The following ZNF69 variants were observed in gnomAD, a reference collection of about 807,000 sequenced individuals.
The protein encoded by ZNF69 is zinc finger protein 69.
A neutral mutation model predicts 50.9 loss-of-function variants in ZNF69; 47 were observed. The observed-to-expected ratio is 0.92, with a 90% CI of 0.73 to 1.18. The LOEUF (loss-of-function observed/expected upper bound fraction) is 1.18, where lower values mean the gene tolerates loss of function less well. ZNF69 is among the 50% of genes most tolerant of loss of function. The pLI is 0.00. For missense variants in ZNF69, 717 were observed against 675.1 expected, an observed-to-expected ratio of 1.06 and a Z score of -0.69; for synonymous variants, 216 against 223.1, an observed-to-expected ratio of 0.97 and a Z score of 0.29.
At chr19:11,977,252 C>T in the ZNF69 span, 1 of 1,604,276 alleles carries the variant, frequency 6.2e-7, no homozygotes, top group Admixed American at 1.7e-5. Flanking sequence ...GGAACATAGA[C>T]AGGAAATACT....
the ZNF69 span, chr19:11,950,181 G>C: frequency 6.2e-7 from 1 of 1,613,824 alleles, no homozygotes; most frequent in Admixed American, 1.7e-5. Context: ...TTTCTTCCTT[G>C]CATATACACG....
At chr19:11,930,762 A>G in the ZNF69 span, among the ~76,000 whole-genome samples, 2 of 148,114 alleles carry the variant, frequency 1.4e-5, no homozygotes, top group Non-Finnish European at 2.9e-5. Flanking sequence ...GCACTTTGGG[A>G]GGCTGAGACT....
chr19:11,912,769 G>C (rs1257908119), intron 4 of ZNF69, among the ~76,000 whole-genome samples: 2 of 152,186 alleles, frequency 1.3e-5, no homozygotes, highest in African/African-American at 4.8e-5. Flanking sequence ...TCACACTGGA[G>C]AGAAACCCTA....
downstream of ZNF69, among the ~76,000 whole-genome samples, chr19:11,917,150 T>A (rs1972529442): frequency 6.6e-6 from 1 of 152,198 alleles, no homozygotes; most frequent in African/African-American, 2.4e-5. Flanking sequence ...AGCCAGGAAC[T>A]CATGGAGTCT....
At chr19:11,940,910 C>T in the ZNF69 span, among the ~76,000 whole-genome samples, 1 of 151,532 alleles carries the variant, frequency 6.6e-6, no homozygotes, top group Non-Finnish European at 1.5e-5. Context: ...TACAGAGTGT[C>T]GATTGGTGCA....
the ZNF69 span, chr19:11,977,241 T>C: frequency 6.2e-7 from 1 of 1,606,388 alleles, no homozygotes; most frequent in Non-Finnish European, 8.5e-7. Context: ...TTGAGTCATT[T>C]GGAACATAGA....
the ZNF69 span, chr19:11,947,721 C>T: frequency 0.46 from 381,019 of 833,652 alleles, 92,953 homozygotes; most frequent in East Asian, 0.6. Flanking sequence ...TATATTTAAA[C>T]GTGACTGAGG....
chr19:11,893,924 T>C (rs1186351425), intron 1 of ZNF69, among the ~76,000 whole-genome samples: 1 of 152,206 alleles, frequency 6.6e-6, no homozygotes, highest in Non-Finnish European at 1.5e-5. Context: ...TCCTGTCCTC[T>C]GGATTGTCTC....
chr19:11,978,623 T>C, the ZNF69 span: 1 of 1,614,124 alleles, frequency 6.2e-7, no homozygotes, highest in Non-Finnish European at 8.5e-7. Flanking sequence ...GTAAACAATG[T>C]GTTAAATCCT....
chr19:11,939,905 A>C, the ZNF69 span: 2 of 152,026 alleles, frequency 1.3e-5, no homozygotes, highest in Non-Finnish European at 2.9e-5. Flanking sequence ...GCTTATTGCA[A>C]TTATCCTGAG....
chr19:11,898,380 C>T (rs949252521), intron 1 of ZNF69, among the ~76,000 whole-genome samples: 1 of 143,992 alleles, frequency 6.9e-6, no homozygotes, highest in Non-Finnish European at 1.5e-5. Flanking sequence ...CATAGTTCCT[C>T]CTGGCTTTTT....
chr19:11,903,523 C>G (rs1307698554), intron 1 of ZNF69, 50 bp from the exon 2 acceptor site: 1 of 1,609,310 alleles, frequency 6.2e-7, no homozygotes, highest in Non-Finnish European at 8.5e-7. Context: ...TCTAGGCCCC[C>G]AGTGCTGTCA....
chr19:11,928,150 C>T, the ZNF69 span, among the ~76,000 whole-genome samples: 1 of 152,050 alleles, frequency 6.6e-6, no homozygotes, highest in Admixed American at 6.6e-5. Context: ...GCACACCTGG[C>T]TAATTTTTTA....
the ZNF69 span, among the ~76,000 whole-genome samples, chr19:11,936,871 G>A: frequency 6.6e-6 from 1 of 152,174 alleles, no homozygotes; most frequent in African/African-American, 2.4e-5. Context: ...TGTGTAAGGT[G>A]TAAGGAAGGG....
At chr19:11,911,661 A>G (rs554734917), downstream of ZNF69, among the ~76,000 whole-genome samples, 6 of 152,124 alleles carry the variant, frequency 3.9e-5, no homozygotes, top group African/African-American at 7.2e-5. Flanking sequence ...ATCACACACC[A>G]GGGCCTGTCA....
At chr19:11,947,305 T>A in the ZNF69 span, 61 of 1,613,606 alleles carry the variant, frequency 3.8e-5, no homozygotes, top group East Asian at 1.1e-3. Flanking sequence ...CTGACCTCTA[T>A]AGGTAAGGAT....
the ZNF69 span, among the ~76,000 whole-genome samples, chr19:11,941,428 C>T: frequency 3.3e-5 from 5 of 152,310 alleles, no homozygotes; most frequent in Admixed American, 6.5e-5. Context: ...CTGCAGGTCC[C>T]GAGCCCTGCC....
At chr19:11,947,901 A>G in the ZNF69 span, among the ~76,000 whole-genome samples, 4 of 152,172 alleles carry the variant, frequency 2.6e-5, no homozygotes, top group Non-Finnish European at 4.4e-5. Context: ...CCAGCTACTC[A>G]GGAGGCGAAG....
exon 5 of ZNF69, chr19:11,913,922 C>T (rs1476359096): frequency 6.6e-6 from 1 of 152,236 alleles, no homozygotes; most frequent in East Asian, 1.9e-4. Flanking sequence ...ATGTTTTCCT[C>T]TATCACATTT....
Sources: allele counts gnomAD v4.1 joint callset (sites outside exome capture counted in the v4.1 genomes callset), GRCh38; gene constraint gnomAD v4.1.1; transcripts MANE v1.5; gene names NCBI Gene and HGNC (gene_info 2026-07-23, HGNC 2026-07-21).